SPIDR: variants seen among roughly 807,000 people sequenced by gnomAD.
SPIDR encodes the protein DNA repair-scaffolding protein.
In SPIDR, 93 loss-of-function variants were observed where a neutral mutation model predicts 104.6. That is an observed-to-expected ratio of 0.89 (90% CI 0.75 to 1.06). SPIDR has a LOEUF of 1.06. SPIDR is among the 50% of genes least tolerant of loss of function. The probability of loss-of-function intolerance (pLI) is 0.00; values close to 1 mark genes in which losing one functional copy is unlikely to be tolerated. For missense variants in SPIDR, 1,154 were observed against 1,111.2 expected (o/e 1.04, Z -0.55); for synonymous variants, 431 against 416.9 (o/e 1.03, Z -0.41).
At chr8:47,448,147 T>C (rs2071028098) in intron 8 of SPIDR, among the ~76,000 whole-genome samples, 1 of 152,234 alleles carries the variant, frequency 6.6e-6, no homozygotes, top group Non-Finnish European at 1.5e-5. Context: ...ATAATAATTT[T>C]GTTATTTCCT....
intron 8 of SPIDR, among the ~76,000 whole-genome samples, chr8:47,484,936 G>A (rs928982818): frequency 6.6e-6 from 1 of 152,202 alleles, no homozygotes; most frequent in African/African-American, 2.4e-5. Context: ...CAGAAGATGG[G>A]TGATATCTGC....
chr8:47,458,682 G>A (rs1321640080), intron 8 of SPIDR, among the ~76,000 whole-genome samples: 2 of 152,000 alleles, frequency 1.3e-5, no homozygotes, highest in East Asian at 3.9e-4. Context: ...ATGTTGAATA[G>A]AAATGGTGAA....
At chr8:47,485,850 A>ACAT (rs566646969) in intron 8 of SPIDR, among the ~76,000 whole-genome samples, 23 of 152,206 alleles carry the variant, frequency 1.5e-4, no homozygotes, top group Non-Finnish European at 2.8e-4. Flanking sequence ...CCCCATCTAT[A>ACAT]CATCATCATC....
chr8:47,322,778 G>T (rs1211254810), intron 5 of SPIDR, among the ~76,000 whole-genome samples: 1 of 152,142 alleles, frequency 6.6e-6, no homozygotes, highest in Non-Finnish European at 1.5e-5. Flanking sequence ...ATGAGTTCAT[G>T]TCCTTTGTAG....
At chr8:47,637,658 G>A (rs1043773181) in intron 10 of SPIDR, among the ~76,000 whole-genome samples, 5 of 152,180 alleles carry the variant, frequency 3.3e-5, no homozygotes, top group Admixed American at 6.5e-5. Flanking sequence ...GTTCTTAGGA[G>A]GAAAACCACA....
intron 5 of SPIDR, among the ~76,000 whole-genome samples, chr8:47,314,918 A>T (rs587750784): frequency 7.2e-5 from 11 of 152,342 alleles, no homozygotes; most frequent in African/African-American, 2.2e-4. Context: ...AAATAATGAC[A>T]CAGATAGATT....
At chr8:47,693,818 T>C (rs1296911738) in intron 11 of SPIDR, among the ~76,000 whole-genome samples, 1 of 152,218 alleles carries the variant, frequency 6.6e-6, no homozygotes, top group African/African-American at 2.4e-5. Context: ...CAGTGATTCT[T>C]ACAGGAATTG....
intron 14 of SPIDR, among the ~76,000 whole-genome samples, chr8:47,704,250 A>G (rs1366530681): frequency 1.3e-5 from 2 of 152,176 alleles, no homozygotes; most frequent in African/African-American, 4.8e-5. Flanking sequence ...TTTTATTATC[A>G]ATACTTCACC....
chr8:47,474,711 A>G (rs549881729), intron 8 of SPIDR, among the ~76,000 whole-genome samples: 54 of 152,396 alleles, frequency 3.5e-4, no homozygotes, highest in African/African-American at 1.2e-3. Context: ...TCTGACATCT[A>G]GAATCCTAAG....
intron 5 of SPIDR, among the ~76,000 whole-genome samples, chr8:47,339,713 A>G (rs1163642070): frequency 7.0e-6 from 1 of 141,932 alleles, no homozygotes; most frequent in Non-Finnish European, 1.5e-5. Flanking sequence ...GGAGTCTCGC[A>G]CTGTCGCCTG....
intron 3 of SPIDR, among the ~76,000 whole-genome samples, chr8:47,288,204 TC>T (rs1363529526): frequency 1.3e-5 from 2 of 152,216 alleles, no homozygotes; most frequent in South Asian, 2.1e-4. Context: ...TTATTGGACT[TC>T]CTTATTAACG....
chr8:47,425,550 G>A (rs1338468050), intron 7 of SPIDR, among the ~76,000 whole-genome samples: 1 of 152,102 alleles, frequency 6.6e-6, no homozygotes, highest in Non-Finnish European at 1.5e-5. Context: ...TCAATGTGAG[G>A]TGCCTAAACA....
At chr8:47,473,699 G>A (rs1319173560) in intron 8 of SPIDR, among the ~76,000 whole-genome samples, 3 of 152,174 alleles carry the variant, frequency 2.0e-5, no homozygotes, top group African/African-American at 7.2e-5. Context: ...GTGCAGGCAA[G>A]TATGATTTGT....
chr8:47,598,413 A>C (rs1314760344), intron 9 of SPIDR, among the ~76,000 whole-genome samples: 1 of 152,164 alleles, frequency 6.6e-6, no homozygotes, highest in Non-Finnish European at 1.5e-5. Context: ...AAAAGCCTGG[A>C]ATATAGGAAG....
intron 5 of SPIDR, among the ~76,000 whole-genome samples, chr8:47,356,992 A>G (rs2054680761): frequency 6.6e-6 from 1 of 152,156 alleles, no homozygotes; most frequent in Non-Finnish European, 1.5e-5. Flanking sequence ...TCTCAAATAA[A>G]TTAAAAAGTT....
chr8:47,728,766 A>G (rs2084719834), intron 17 of SPIDR, 167 bp from the exon 18 acceptor site: 2 of 674,010 alleles, frequency 3.0e-6, no homozygotes, highest in Middle Eastern at 8.2e-4. Flanking sequence ...TCCCTTGGAC[A>G]GGCTGAGTCC....
intron 2 of SPIDR, among the ~76,000 whole-genome samples, chr8:47,281,672 T>G (rs367911385): frequency 0.044 from 6,756 of 152,332 alleles, 200 homozygotes; most frequent in Middle Eastern, 0.071. Context: ...TCTTGCTGTT[T>G]CTATCACATC....
At chr8:47,502,587 G>A (rs970553494) in intron 8 of SPIDR, among the ~76,000 whole-genome samples, 3 of 152,028 alleles carry the variant, frequency 2.0e-5, no homozygotes, top group African/African-American at 7.2e-5. Flanking sequence ...TCAAAACCCA[G>A]CTCCTGGATT....
chr8:47,313,671 G>C (rs1179978131), intron 5 of SPIDR, among the ~76,000 whole-genome samples: 1 of 152,126 alleles, frequency 6.6e-6, no homozygotes, highest in Admixed American at 6.6e-5. Context: ...TATACTACAA[G>C]GCTACAGTAA....
Sources: allele counts gnomAD v4.1 joint callset (sites outside exome capture counted in the v4.1 genomes callset), GRCh38; gene constraint gnomAD v4.1.1; transcripts MANE v1.5; gene names NCBI Gene and HGNC (gene_info 2026-07-23, HGNC 2026-07-21).